The following GRID2 variants were observed in gnomAD, a reference collection of about 807,000 sequenced individuals.
GRID2 encodes the protein glutamate ionotropic receptor delta type subunit 2, also known as glutamate receptor ionotropic, delta-2.
In GRID2, 33 loss-of-function variants were observed where a neutral mutation model predicts 114.8. The ratio of observed to expected loss-of-function variants is 0.29; its 90% CI spans 0.22 to 0.38. GRID2 has a LOEUF of 0.38. GRID2 is among the 10% of genes least tolerant of loss of function. The probability of loss-of-function intolerance (pLI) is 1.00; values close to 1 mark genes in which losing one functional copy is unlikely to be tolerated. For synonymous variants in GRID2, 505 were observed against 449.9 expected (o/e 1.12, Z -1.55); for missense variants, 1,184 against 1,257.7 (o/e 0.94, Z 0.89).
At chr4:92,875,942 G>T (rs1309467192) in intron 2 of GRID2, among the ~76,000 whole-genome samples, 1 of 152,098 alleles carries the variant, frequency 6.6e-6, no homozygotes, top group Non-Finnish European at 1.5e-5. Context: ...GAAAGTTCTT[G>T]CTTTAAGGAT....
intron 2 of GRID2, among the ~76,000 whole-genome samples, chr4:92,649,478 G>A (rs558285108): frequency 6.6e-6 from 1 of 151,350 alleles, no homozygotes; most frequent in Admixed American, 6.6e-5. Flanking sequence ...ACATTGGTGA[G>A]GGCAGATCTT....
intron 2 of GRID2, among the ~76,000 whole-genome samples, chr4:93,072,697 A>G (rs141321844): frequency 2.1e-3 from 326 of 152,160 alleles, no homozygotes; most frequent in African/African-American, 7.4e-3. Flanking sequence ...GCCTAGAAAT[A>G]TTTTTAAACA....
intron 4 of GRID2, among the ~76,000 whole-genome samples, chr4:93,157,252 A>G (rs1255045274): frequency 6.6e-6 from 1 of 151,682 alleles, no homozygotes; most frequent in African/African-American, 2.4e-5. Context: ...CACCCTGAAA[A>G]TGTAGGCTCC....
chr4:93,148,866 A>G (rs1566744), intron 4 of GRID2, among the ~76,000 whole-genome samples: 81,122 of 151,778 alleles, frequency 0.53, 22,882 homozygotes, highest in African/African-American at 0.69. Context: ...TAATATAGAA[A>G]CATTATATAT....
intron 2 of GRID2, among the ~76,000 whole-genome samples, chr4:92,855,259 T>G (rs1047070446): frequency 6.6e-6 from 1 of 152,050 alleles, no homozygotes; most frequent in African/African-American, 2.4e-5. Context: ...TACCTCTGTA[T>G]GTCACTTTAG....
intron 9 of GRID2, among the ~76,000 whole-genome samples, chr4:93,411,098 A>G (rs1052221110): frequency 9.2e-5 from 14 of 152,244 alleles, no homozygotes; most frequent in Non-Finnish European, 1.5e-4. Context: ...AACAGAAAAT[A>G]TGGAAAACAA....
At chr4:92,861,064 T>G (rs2149434939) in intron 2 of GRID2, among the ~76,000 whole-genome samples, 1 of 152,252 alleles carries the variant, frequency 6.6e-6, no homozygotes, top group Admixed American at 6.5e-5. Flanking sequence ...TTATTAATCC[T>G]ACCCATTTTA....
At position 92,649,430 on chromosome 4, in the gene GRID2, T is replaced by C. The variant is rs116339624; in HGVS notation, c.244+59144T>C. On this transcript the variant is annotated intron_variant, in intron 2 of 15. Transcript: ENST00000282020. ...TTGCCCTTCTTCTGCCTTTTTTTTT[T>C]CTTTTCAGACCCTCAACTGATTGGA... Among the ~76,000 whole-genome samples the C allele has an allele frequency of 2.6e-5, 4 of 151,472 alleles. No individual in the cohort carries two copies. The South Asian group carries it at 6.2e-4, about 24-fold the overall frequency.
At chr4:93,260,740 A>G (rs961375457) in intron 8 of GRID2, among the ~76,000 whole-genome samples, 1 of 151,814 alleles carries the variant, frequency 6.6e-6, no homozygotes, top group South Asian at 2.1e-4. Context: ...TCACAGGATG[A>G]TCATAGGGTT....
At chr4:92,396,029 A>C (rs905434784) in intron 1 of GRID2, among the ~76,000 whole-genome samples, 1 of 151,898 alleles carries the variant, frequency 6.6e-6, no homozygotes, top group Non-Finnish European at 1.5e-5. Flanking sequence ...TATGATACAG[A>C]GAAATAGTAT....
intron 4 of GRID2, among the ~76,000 whole-genome samples, chr4:93,156,166 G>A (rs1737169086): frequency 6.6e-6 from 1 of 151,492 alleles, no homozygotes; most frequent in Non-Finnish European, 1.5e-5. Context: ...TGAAGTACTT[G>A]GAACAGTGCC....
At chr4:92,429,240 T>G (rs1204045253) in intron 1 of GRID2, among the ~76,000 whole-genome samples, 1 of 152,214 alleles carries the variant, frequency 6.6e-6, no homozygotes, top group African/African-American at 2.4e-5. Flanking sequence ...TGTCCATTAT[T>G]TCATTCAAAT....
intron 4 of GRID2, among the ~76,000 whole-genome samples, chr4:93,151,051 G>C (rs1177916492): frequency 6.8e-6 from 1 of 146,770 alleles, no homozygotes; most frequent in African/African-American, 2.5e-5. Flanking sequence ...ATGGACGTGG[G>C]ATGCGGAGGT....
intron 10 of GRID2, 129 bp downstream of exon 10, chr4:93,423,097 A>T: frequency 1.5e-6 from 1 of 649,756 alleles, no homozygotes; most frequent in Non-Finnish European, 2.7e-6. Flanking sequence ...AGGTTGGTTA[A>T]GCATTAGGTG....
At chr4:93,777,674 CATTA>C (rs1561000298), downstream of GRID2, among the ~76,000 whole-genome samples, 1 of 152,182 alleles carries the variant, frequency 6.6e-6, no homozygotes. Context: ...ATTTTCAGCA[CATTA>C]ATTCTCATTA....
intron 13 of GRID2, among the ~76,000 whole-genome samples, chr4:93,578,256 A>G (rs1736606482): frequency 6.6e-6 from 1 of 152,114 alleles, no homozygotes; most frequent in African/African-American, 2.4e-5. Flanking sequence ...CATCAGATGT[A>G]TATCTTTTAG....
intron 11 of GRID2, among the ~76,000 whole-genome samples, chr4:93,471,542 G>A (rs1342606028): frequency 6.6e-6 from 1 of 151,768 alleles, no homozygotes; most frequent in Non-Finnish European, 1.5e-5. Context: ...TGTGTAATTG[G>A]TTATCAGGAT....
intron 2 of GRID2, among the ~76,000 whole-genome samples, chr4:92,786,686 T>C (rs971057347): frequency 2.0e-5 from 3 of 151,906 alleles, no homozygotes; most frequent in African/African-American, 7.2e-5. Context: ...GGGTTTTAAT[T>C]GGCAAAACAA....
intron 10 of GRID2, among the ~76,000 whole-genome samples, chr4:93,441,913 A>C (rs193008548): frequency 2.8e-4 from 42 of 152,078 alleles, no homozygotes; most frequent in Middle Eastern, 3.4e-3. Context: ...CAGGTAGGAG[A>C]TGACTGCAGT....
Sources: gnomAD v4.1 joint callset for allele counts (sites outside exome capture counted in the v4.1 genomes callset) on GRCh38, gnomAD v4.1.1 for gene constraint, MANE v1.5 for transcripts, NCBI Gene and HGNC (gene_info 2026-07-23, HGNC 2026-07-21) for gene names.